Variants in RRP8 observed in about 807,000 individuals in gnomAD.
The protein encoded by RRP8 is ribosomal RNA-processing protein 8.
Under a neutral mutation model 45.0 loss-of-function variants are expected in RRP8, and 48 were observed. The ratio of observed to expected loss-of-function variants is 1.07; its 90% CI spans 0.85 to 1.36. RRP8 has a LOEUF of 1.36. Ranked by LOEUF, RRP8 falls within the 40% of genes most tolerant of loss-of-function variation. RRP8 has a pLI of 0.00. For missense variants in RRP8, 658 were observed against 573.7 expected (o/e 1.15, Z -1.50); for synonymous variants, 274 against 212.4 (o/e 1.29, Z -2.52).
At position 6,602,270 on chromosome 11, in the gene RRP8, G is replaced by A. The variant is rs778719410; in HGVS notation, c.100-55C>T. The A allele has an allele frequency of 5.3e-6, 8 of 1,495,690 alleles. No individual in the cohort carries two copies. The Admixed American group carries it at 6.8e-5, about 13-fold the overall frequency. 92.7% of individuals were successfully genotyped at this position (1,495,690 alleles called of 1,614,324 possible). On this transcript the variant is annotated intron_variant, in intron 1 of 6. Coordinates refer to ENST00000254605, the MANE Select transcript of RRP8 (RefSeq NM_015324.4). ...CTAAAGAGAATGGATGAGGCCTGGA[G>A]AACAAGAAGGGAGAGATGTGGACCT...
At position 6,599,380 on chromosome 11, in the gene RRP8, T is replaced by C. The variant is rs993780007; in HGVS notation, c.*766A>G. The C allele has an allele frequency of 6.6e-6, 1 of 152,266 alleles. No homozygotes were observed. Among genetic ancestry groups the C allele is most frequent in the African/African-American group, 2.4e-5 (1 of 41,460 alleles). 9.4% of individuals were successfully genotyped at this position (152,266 alleles called of 1,614,324 possible). ...ACCATTTTCCAAATGAGGAATGTGA[T>C]ATACAGAGATTAAATGACTTTAAGT... is the stretch of plus-strand genomic sequence containing the variant. On this transcript the variant is annotated 3_prime_UTR_variant, in exon 7 of 7. Transcript: ENST00000254605.
At chr11:6,600,431 C>T (rs967964033) in intron 6 of RRP8, 55 bp downstream of exon 6, 4 of 1,532,970 alleles carry the variant, frequency 2.6e-6, no homozygotes, top group African/African-American at 1.4e-5. Context: ...AACACCAGTA[C>T]CCTGAATAGG....
chr11:6,603,353 T>C (rs376481650), intron 1 of RRP8, 51 bp downstream of exon 1: 7 of 1,341,914 alleles, frequency 5.2e-6, no homozygotes, highest in East Asian at 2.5e-5. Context: ...GATCCACCAA[T>C]GTCCGCTTCG....
Position 6,601,427 on chromosome 11 carries a change from A to G in RRP8, c.639T>C (p.Ala213=). The G allele has an allele frequency of 6.2e-7, 1 of 1,614,156 alleles. No homozygotes were observed. Among genetic ancestry groups the G allele is most frequent in the Non-Finnish European group, 8.5e-7 (1 of 1,180,030 alleles). Residue 213 remains alanine (A), a synonymous_variant, in exon 3 of 7, where the codon GCT becomes GCC. Transcript: ENST00000254605. ...CCTCTGTCTTCTCTGTGGGGGCCTC[A>G]GCTGGGGCCTGGTCTGGCACCTGAG... The part of the protein sequence containing the change: ...QPPQVPDQAP[A]EAPTEKTEVS...
chr11:6,600,615 C>A (rs766453614), intron 5 of RRP8, 33 bp from the exon 6 acceptor site: 2 of 1,611,360 alleles, frequency 1.2e-6, no homozygotes, highest in South Asian at 1.1e-5. Context: ...TGTAAGTGCA[C>A]AGACTCATGC....
In RRP8 at chr11:6,601,539, G is replaced by T; in HGVS notation, c.527C>A (p.Ser176Tyr). The T allele has an allele frequency of 6.2e-7, 1 of 1,608,892 alleles. No homozygotes were observed. The highest frequency in any genetic ancestry group is 1.1e-5 in the South Asian group (1 of 91,084). The change falls in exon 3 of 7, where the codon TCC becomes TAC. Residue 176 changes from serine (S) to tyrosine (Y), a missense_variant. By Grantham distance (144) the Ser-to-Tyr change is moderately radical. Transcript: ENST00000254605. Reference sequence around the variant, plus strand: ...GCTTAATGTATGAGGGGGTTTAGGGGAAGTGGACCCAGGGCTTTGCTTTGG... The same window carrying T: ...GCTTAATGTATGAGGGGGTTTAGGGTAAGTGGACCCAGGGCTTTGCTTTGG... ...DPPKQSPGST[S>Y]PKPPHTLSRK...
Position 6,603,546 on chromosome 11 carries a change from C to T in RRP8, c.-44G>A, listed in dbSNP as rs1854516764. ...GTCGCCGAGTCCCCGCTCTTCTCCA[C>T]GTGCACAGCGCTCCTCTGGAAGTCG... On this transcript the variant is annotated 5_prime_UTR_variant, in exon 1 of 7. The change creates a new upstream start codon in the 5' untranslated region. Transcript: ENST00000254605. 1 of 1,278,240 alleles carries T rather than the reference C, an allele frequency of 7.8e-7. No individual in the cohort carries two copies. Among genetic ancestry groups the T allele is most frequent in the Non-Finnish European group, 1.1e-6 (1 of 918,436 alleles). 79.2% of individuals were successfully genotyped at this position (1,278,240 alleles called of 1,614,324 possible). A position where few individuals can be genotyped will look rare whatever the true frequency, so the allele number is the denominator to read the frequency against.
At chr11:6,600,617 G>C (rs1231111638) in intron 5 of RRP8, 35 bp from the exon 6 acceptor site, 2 of 1,610,316 alleles carry the variant, frequency 1.2e-6, no homozygotes, top group Non-Finnish European at 1.7e-6. Flanking sequence ...TAAGTGCACA[G>C]ACTCATGCAT....
Position 6,595,648 on chromosome 11 carries a change from A to G in RRP8, c.*4498T>C, listed in dbSNP as rs1265551222. On this transcript the variant is annotated 3_prime_UTR_variant, in exon 7 of 7. Coordinates refer to ENST00000254605, the MANE Select transcript of RRP8 (RefSeq NM_015324.4). ...TATCTCAACTTCCTATTGGGAGTAC[A>G]TGTTTTCCCCTGATTTTAAACTCAT... The G allele has an allele frequency of 6.6e-6, 1 of 152,224 alleles. No homozygotes were observed. The highest frequency in any genetic ancestry group is 2.4e-5 in the African/African-American group (1 of 41,460). 9.4% of individuals were successfully genotyped at this position (152,224 alleles called of 1,614,324 possible).
In RRP8 at chr11:6,601,174, GGT is replaced by G. The variant is rs1564835602; in HGVS notation, c.890_891del (p.Asp297AlafsTer17). On this transcript the variant is annotated frameshift_variant, in exon 3 of 7. Coordinates refer to ENST00000254605, the MANE Select transcript of RRP8 (RefSeq NM_015324.4). LOFTEE classifies it high-confidence loss of function. ...CGCTGGCGAAGATCCCTGGCGATGCGGTCCACTGGCTGCAGTGGCCACTTCTT... is the reference window on the plus strand; with the variant it reads ...CGCTGGCGAAGATCCCTGGCGATGCGCCACTGGCTGCAGTGGCCACTTCTT... The part of the protein sequence containing the change: ...QVKKWPLQPV[D>X]RIARDLRQRP... 3.7e-6 allele frequency: 6 copies of G among 1,613,924 alleles called. No individual in the cohort carries two copies. Among genetic ancestry groups the G allele is most frequent in the Non-Finnish European group, 5.1e-6 (6 of 1,179,926 alleles).
In RRP8 at chr11:6,598,004, T is replaced by C. The variant is rs1323213986; in HGVS notation, c.*2142A>G. 6.6e-6 allele frequency: 1 copy of C among 152,336 alleles called. No individual in the cohort carries two copies. The highest frequency in any genetic ancestry group is 1.5e-5 in the Non-Finnish European group (1 of 68,166). 9.4% of individuals were successfully genotyped at this position (152,336 alleles called of 1,614,324 possible). A position where few individuals can be genotyped will look rare whatever the true frequency, so the allele number is the denominator to read the frequency against. On this transcript the variant is annotated 3_prime_UTR_variant, in exon 7 of 7. Transcript: ENST00000254605. ...CATTTTCCTTTACCCATCCATGACA[T>C]GCTCCTCAGTTCTATTCTGAGCCAT...
rs76589294 is a variant in RRP8 at position 6,595,669 on chromosome 11, C to T, written c.*4477G>A. The T allele has an allele frequency of 6.6e-6, 1 of 151,922 alleles. No homozygotes were observed. Among genetic ancestry groups the T allele is most frequent in the Admixed American group, 6.6e-5 (1 of 15,244 alleles). The allele number at this position is 151,922 out of a possible 1,614,324, so 9.4% of individuals were successfully genotyped here. A position where few individuals can be genotyped will look rare whatever the true frequency, so the allele number is the denominator to read the frequency against. On this transcript the variant is annotated 3_prime_UTR_variant, in exon 7 of 7. Transcript: ENST00000254605. ...GTACATGTTTTCCCCTGATTTTAAACTCATGGGACAAAAAGAAAGTGTTGA... is the reference window on the plus strand; with the variant it reads ...GTACATGTTTTCCCCTGATTTTAAATTCATGGGACAAAAAGAAAGTGTTGA...
intron 2 of RRP8, 43 bp downstream of exon 2, chr11:6,601,807 GAC>G (rs759986915): frequency 3.3e-5 from 51 of 1,537,896 alleles, no homozygotes; most frequent in Admixed American, 1.0e-4. Flanking sequence ...CTGACCCCCC[GAC>G]ACACACACAC....
At position 6,595,863 on chromosome 11, in the gene RRP8, T is replaced by C. The variant is rs1470270265; in HGVS notation, c.*4283A>G. On this transcript the variant is annotated 3_prime_UTR_variant, in exon 7 of 7. Coordinates refer to ENST00000254605, the MANE Select transcript of RRP8 (RefSeq NM_015324.4). ...CACTAGCAGAATGTAATCAAGTTTA[T>C]TTTCTTGTTCAAAGTCCAATATGGA... 1 of 152,240 alleles carries C rather than the reference T, an allele frequency of 6.6e-6. No homozygotes were observed. Among genetic ancestry groups the C allele is most frequent in the East Asian group, 1.9e-4 (1 of 5,204 alleles). The allele number at this position is 152,240 out of a possible 1,614,324, so 9.4% of individuals were successfully genotyped here.
intron 4 of RRP8, 43 bp from the exon 5 acceptor site, chr11:6,600,818 G>T (rs1189434731): frequency 1.1e-5 from 18 of 1,606,356 alleles, no homozygotes; most frequent in Non-Finnish European, 1.5e-5. Context: ...CAGTGCAGAA[G>T]AAGAAAGCCA....
chr11:6,602,813 A>G (rs1854458063), intron 1 of RRP8, among the ~76,000 whole-genome samples: 1 of 152,176 alleles, frequency 6.6e-6, no homozygotes, highest in South Asian at 2.1e-4. Context: ...AGAGGCTCAA[A>G]GGAGAAGATG....
At position 6,597,622 on chromosome 11, in the gene RRP8, GGC is replaced by G. The variant is rs1554894493; in HGVS notation, c.*2522_*2523del. 6.7e-6 allele frequency: 1 copy of G among 149,878 alleles called. No homozygotes were observed. The highest frequency in any genetic ancestry group is 1.5e-5 in the Non-Finnish European group (1 of 67,874). 9.3% of individuals were successfully genotyped at this position (149,878 alleles called of 1,614,324 possible). A position where few individuals can be genotyped will look rare whatever the true frequency, so the allele number is the denominator to read the frequency against. On this transcript the variant is annotated 3_prime_UTR_variant, in exon 7 of 7. Coordinates refer to ENST00000254605, the MANE Select transcript of RRP8 (RefSeq NM_015324.4). Reference sequence around the variant, plus strand: ...AAAAAAAACACTGGCTGGGCACAGTGGCTCATGCCTGTAATCCCAGCACTTTG... The same window carrying G: ...AAAAAAAACACTGGCTGGGCACAGTGTCATGCCTGTAATCCCAGCACTTTG...
rs1008922644 is a variant in RRP8 at position 6,596,958 on chromosome 11, C to T, written c.*3188G>A. ...CTCTTACCACCCTCCAAATTTTATT[C>T]ACTGGGAGGTACTCTCCCTGCTATG... On this transcript the variant is annotated 3_prime_UTR_variant, in exon 7 of 7. Coordinates refer to ENST00000254605, the MANE Select transcript of RRP8 (RefSeq NM_015324.4). The T allele has an allele frequency of 6.6e-6, 1 of 152,204 alleles. No homozygotes were observed. Among genetic ancestry groups the T allele is most frequent in the Non-Finnish European group, 1.5e-5 (1 of 68,034 alleles). 9.4% of individuals were successfully genotyped at this position (152,204 alleles called of 1,614,324 possible). A position where few individuals can be genotyped will look rare whatever the true frequency, so the allele number is the denominator to read the frequency against.
At chr11:6,600,453 C>T in intron 6 of RRP8, 33 bp downstream of exon 6, 1 of 1,597,668 alleles carries the variant, frequency 6.3e-7, no homozygotes, top group Non-Finnish European at 8.6e-7. Flanking sequence ...CCACATGAGA[C>T]AAAAACAGGT....
Sources: allele counts gnomAD v4.1 joint callset (sites outside exome capture counted in the v4.1 genomes callset), GRCh38; gene constraint gnomAD v4.1.1; transcripts MANE v1.5; gene names NCBI Gene and HGNC (gene_info 2026-07-23, HGNC 2026-07-21).